The following ZNF462 variants were observed in gnomAD, a reference collection of about 807,000 sequenced individuals.
The protein encoded by ZNF462 is zinc finger PBX1-interacting protein.
ZNF462 carries 10 observed loss-of-function variants against 201.9 expected under a neutral mutation model. The observed-to-expected ratio is 0.05, with a 90% confidence interval of 0.03 to 0.08. The LOEUF (loss-of-function observed/expected upper bound fraction) is 0.08, where lower values mean the gene tolerates loss of function less well. Ranked by LOEUF, ZNF462 falls within the 10% of genes least tolerant of loss-of-function variation. The pLI, the probability that ZNF462 is intolerant of heterozygous loss-of-function variation, is 1.00. For missense variants in ZNF462, 2,523 were observed against 3,168.3 expected, an observed-to-expected ratio of 0.80 and a Z score of 4.89; for synonymous variants, 1,227 against 1,193.3, an observed-to-expected ratio of 1.03 and a Z score of -0.58.
intron 1 of ZNF462, among the ~76,000 whole-genome samples, chr9:106,879,996 G>C (rs894609993): frequency 1.3e-5 from 2 of 152,138 alleles, no homozygotes; most frequent in Non-Finnish European, 2.9e-5. Context: ...TGGAATCGTG[G>C]ATCCTTGTAG....
chr9:106,873,701 T>A (rs1056074395), intron 1 of ZNF462, among the ~76,000 whole-genome samples: 10 of 152,176 alleles, frequency 6.6e-5, no homozygotes, highest in Admixed American at 1.3e-4. Flanking sequence ...TATTTGCCTG[T>A]CTCTGAAACA....
At position 106,895,500 on chromosome 9, in the gene ZNF462, A is replaced by G. The variant is rs553306079; in HGVS notation, c.-30-27854A>G. The stretch of plus-strand genomic sequence containing the variant: ...TCTAGGAGTCCCTCATGATGCTAGC[A>G]AAATAATCTTGATAGGGCACAGCTT... On this transcript the variant is annotated intron_variant, in intron 1 of 12. Coordinates refer to ENST00000277225, the MANE Select transcript of ZNF462 (RefSeq NM_021224.6). The surrounding 1 kb of genome is among the most constrained non-coding windows in gnomAD (Gnocchi z 4.4). Among the ~76,000 whole-genome samples, 16 of 152,312 alleles carry G rather than the reference A, an allele frequency of 1.1e-4. No individual in the cohort carries two copies. The highest frequency in any genetic ancestry group is 3.8e-4 in the African/African-American group (16 of 41,562).
intron 1 of ZNF462, among the ~76,000 whole-genome samples, chr9:106,868,927 G>C (rs1458326626): frequency 2.0e-5 from 3 of 152,160 alleles, no homozygotes; most frequent in Admixed American, 2.0e-4. Flanking sequence ...AGGGTTGAGC[G>C]TGGTTTCATT....
intron 7 of ZNF462, among the ~76,000 whole-genome samples, chr9:106,956,298 G>A (rs960418157): frequency 2.0e-5 from 3 of 152,142 alleles, no homozygotes; most frequent in African/African-American, 7.2e-5. Flanking sequence ...GCTCTAGGGT[G>A]ATGAAGTTCA....
Position 106,974,155 on chromosome 9 carries a change from C to T in ZNF462, c.6714C>T (p.His2238=), listed in dbSNP as rs568365709. The change falls in exon 9 of 13, where the codon CAC becomes CAT. Residue 2238 remains histidine (H), a synonymous_variant. Coordinates refer to ENST00000277225, the MANE Select transcript of ZNF462 (RefSeq NM_021224.6). The surrounding 1 kb of genome is among the most constrained non-coding windows in gnomAD (Gnocchi z 4.0). ...YTGFKSAFTM[H]VEAGHSAVPE... ...CTCCTAGATCTGCTTTTACTATGCACGTGGAAGCTGGGCACTCAGCAGTTC... is the reference window on the plus strand; with the variant it reads ...CTCCTAGATCTGCTTTTACTATGCATGTGGAAGCTGGGCACTCAGCAGTTC... 3.0e-5 allele frequency: 49 copies of T among 1,614,136 alleles called. No individual in the cohort carries two copies. Among genetic ancestry groups the T allele is most frequent in the South Asian group, 5.5e-5 (5 of 91,074 alleles).
At chr9:106,971,087 G>A (rs1162072426) in intron 7 of ZNF462, among the ~76,000 whole-genome samples, 1 of 151,990 alleles carries the variant, frequency 6.6e-6, no homozygotes, top group Non-Finnish European at 1.5e-5. Context: ...CCAGGAGAAC[G>A]CTATTGGATT....
At chr9:106,971,125 A>G (rs1826585940) in intron 7 of ZNF462, among the ~76,000 whole-genome samples, 1 of 152,052 alleles carries the variant, frequency 6.6e-6, no homozygotes, top group African/African-American at 2.4e-5. Context: ...AAATCACTTG[A>G]GTGTGAAGGC....
At chr9:106,943,065 T>TGC (rs1201359984) in intron 7 of ZNF462, among the ~76,000 whole-genome samples, 1 of 149,168 alleles carries the variant, frequency 6.7e-6, no homozygotes, top group Non-Finnish European at 1.5e-5. Context: ...CGCGCGTGTG[T>TGC]GTGTGTGTGT....
chr9:106,900,686 C>G (rs974200051), intron 1 of ZNF462, among the ~76,000 whole-genome samples: 1 of 152,102 alleles, frequency 6.6e-6, no homozygotes, highest in African/African-American at 2.4e-5. Context: ...TGTATCTCTT[C>G]TTTTGAGAAT....
chr9:106,962,846 G>A lies in ZNF462; in HGVS notation c.6428-9159G>A, dbSNP rs1831903307. Among the ~76,000 whole-genome samples, 1 of 151,898 alleles carries A rather than the reference G, an allele frequency of 6.6e-6. No individual in the cohort carries two copies. The highest frequency in any genetic ancestry group is 6.6e-5 in the Admixed American group (1 of 15,232). ...GTCATCCAGCATCCATTGTCCCCCT[G>A]GCCATTGTATCATAATCTTGTGCGT... On this transcript the variant is annotated intron_variant, in intron 7 of 12. Coordinates refer to ENST00000277225, the MANE Select transcript of ZNF462 (RefSeq NM_021224.6). This position sits in a 1 kb window ranked among gnomAD's most constrained non-coding sequence, Gnocchi z 4.6.
intron 7 of ZNF462, among the ~76,000 whole-genome samples, chr9:106,951,114 G>A (rs1472185028): frequency 6.6e-6 from 1 of 151,904 alleles, no homozygotes; most frequent in East Asian, 1.9e-4. Flanking sequence ...TTAAGTTCAA[G>A]GTTTAAGTAA....
chr9:106,983,765 T>C (rs1426549068), intron 9 of ZNF462, among the ~76,000 whole-genome samples: 1 of 152,142 alleles, frequency 6.6e-6, no homozygotes, highest in Non-Finnish European at 1.5e-5. Context: ...TCTTTCCCCA[T>C]TAAAGACATC....
Position 106,966,610 on chromosome 9 carries a change from C to T in ZNF462, c.6428-5395C>T, listed in dbSNP as rs1320259248. Among the ~76,000 whole-genome samples, 2 of 152,074 alleles carry T rather than the reference C, an allele frequency of 1.3e-5. No homozygotes were observed. The highest frequency in any genetic ancestry group is 2.4e-5 in the African/African-American group (1 of 41,414). The stretch of plus-strand genomic sequence containing the variant: ...AAAACATTTTGTTTGCATTGTATCA[C>T]GATCAATTATTTACATCTTTGTCTG... On this transcript the variant is annotated intron_variant, in intron 7 of 12. Transcript: ENST00000277225. This position sits in a 1 kb window ranked among gnomAD's most constrained non-coding sequence, Gnocchi z 4.4.
In ZNF462 at chr9:106,936,845, C is replaced by T. The variant is rs546357274; in HGVS notation, c.6235+1224C>T. ...ATCAGAGCCTGCACACTGATGCCAG[C>T]GTATTAAGCTGAAGTGTCTGCTCTT... On this transcript the variant is annotated intron_variant, in intron 6 of 12. Coordinates refer to ENST00000277225, the MANE Select transcript of ZNF462 (RefSeq NM_021224.6). Among the ~76,000 whole-genome samples the T allele has an allele frequency of 5.3e-5, 8 of 152,244 alleles. No individual in the cohort carries two copies. In the South Asian group the frequency reaches 6.2e-4, roughly 12 times the overall value.
At chr9:106,936,861 G>T (rs1830653076) in intron 6 of ZNF462, among the ~76,000 whole-genome samples, 1 of 152,148 alleles carries the variant, frequency 6.6e-6, no homozygotes, top group South Asian at 2.1e-4. Context: ...AAGCTGAAGT[G>T]TCTGCTCTTG....
At chr9:106,942,120 C>T (rs1830900329) in intron 7 of ZNF462, among the ~76,000 whole-genome samples, 4 of 152,194 alleles carry the variant, frequency 2.6e-5, no homozygotes, top group Admixed American at 6.5e-5. Flanking sequence ...CCAGGGAAAT[C>T]ACCAGTGTGT....
rs145820741 is a variant in ZNF462, at chr9:106,886,742, G to A, written c.-31+23387G>A. On this transcript the variant is annotated intron_variant, in intron 1 of 12. Coordinates refer to ENST00000277225, the MANE Select transcript of ZNF462 (RefSeq NM_021224.6). This position sits in a 1 kb window ranked among gnomAD's most constrained non-coding sequence, Gnocchi z 4.6. ...GCCTGAAATGGAATATCAGTTTTCTGCCCTGGTGATCCATGCTTATTCCAC... is the reference window on the plus strand; with the variant it reads ...GCCTGAAATGGAATATCAGTTTTCTACCCTGGTGATCCATGCTTATTCCAC... 5.7e-3 allele frequency among the ~76,000 whole-genome samples: 872 copies of A among 152,290 alleles called. 7 individuals are homozygous for A. The highest frequency in any genetic ancestry group is 0.02 in the African/African-American group (834 of 41,562).
rs1829959140 is a variant in ZNF462, at chr9:106,920,775, T to C, written c.-30-2579T>C. On this transcript the variant is annotated intron_variant, in intron 1 of 12. Transcript: ENST00000277225. This position sits in a 1 kb window ranked among gnomAD's most constrained non-coding sequence, Gnocchi z 4.3. ...TAGAGAACTACATAGAGAGATGAAT[T>C]TCATTTCTAGGTGGATGACTTAATG... Among the ~76,000 whole-genome samples, 1 of 152,184 alleles carries C rather than the reference T, an allele frequency of 6.6e-6. No homozygotes were observed. The highest frequency in any genetic ancestry group is 1.5e-5 in the Non-Finnish European group (1 of 68,032).
At position 106,872,602 on chromosome 9, in the gene ZNF462, A is replaced by T. The variant is rs1827642092; in HGVS notation, c.-31+9247A>T. On this transcript the variant is annotated intron_variant, in intron 1 of 12. Transcript: ENST00000277225. This position sits in a 1 kb window ranked among gnomAD's most constrained non-coding sequence, Gnocchi z 4.5. ...GGTCTCGAACTCCTGAGCTCAGGCA[A>T]TCTGCCTGCCTCGGCCTTCCAAAGT... 6.6e-6 allele frequency among the ~76,000 whole-genome samples: 1 copy of T among 152,146 alleles called. No individual in the cohort carries two copies. Among genetic ancestry groups the T allele is most frequent in the African/African-American group, 2.4e-5 (1 of 41,422 alleles).
Sources: gnomAD v4.1 joint callset for allele counts (sites outside exome capture counted in the v4.1 genomes callset) on GRCh38, gnomAD v4.1.1 for gene constraint, Gnocchi (gnomAD v3.1) non-coding constraint, MANE v1.5 for transcripts, NCBI Gene and HGNC (gene_info 2026-07-23, HGNC 2026-07-21) for gene names.